The following ATP6V1H variants were observed in gnomAD, a reference collection of about 807,000 sequenced individuals.
ATP6V1H encodes the protein ATPase H+ transporting V1 subunit H, also known as V-type proton ATPase subunit H.
Under a neutral mutation model 71.7 loss-of-function variants are expected in ATP6V1H, and 39 were observed. That is an observed-to-expected ratio of 0.54 (90% CI 0.42 to 0.71). The LOEUF (loss-of-function observed/expected upper bound fraction) is 0.71. Among genes scored for constraint, ATP6V1H ranks in the 30% least tolerant of loss-of-function variants. ATP6V1H has a pLI of 0.00. For synonymous variants in ATP6V1H, 192 were observed against 199.3 expected (o/e 0.96, Z 0.31); for missense variants, 509 against 594.9 (o/e 0.86, Z 1.50).
Position 53,803,246 on chromosome 8 carries a change from A to G in ATP6V1H, c.580-1350T>C, listed in dbSNP as rs566310453. On this transcript the variant is annotated intron_variant, in intron 7 of 13. Transcript: ENST00000359530. Reference sequence around the variant, plus strand: ...CAGCTACTCAGGAGGCTGAGGCAGAAGAGTCACTTGAACCCAGGAGGCAGA... The same window carrying G: ...CAGCTACTCAGGAGGCTGAGGCAGAGGAGTCACTTGAACCCAGGAGGCAGA... Among the ~76,000 whole-genome samples, 4 of 152,238 alleles carry G rather than the reference A, an allele frequency of 2.6e-5. No individual in the cohort carries two copies. The East Asian group carries it at 7.7e-4, about 29-fold the overall frequency.
At chr8:53,724,714 T>G (rs1806749237) in intron 13 of ATP6V1H, among the ~76,000 whole-genome samples, 1 of 151,852 alleles carries the variant, frequency 6.6e-6, no homozygotes, top group African/African-American at 2.4e-5. Context: ...AGCCCACCCC[T>G]GGATGTAAGA....
chr8:53,773,120 G>A (rs767757957), intron 9 of ATP6V1H, among the ~76,000 whole-genome samples: 28 of 152,046 alleles, frequency 1.8e-4, no homozygotes, highest in Non-Finnish European at 3.5e-4. Context: ...AGAGTAGTTT[G>A]CCTTATTTTT....
chr8:53,752,208 T>C (rs1164890879), intron 12 of ATP6V1H, among the ~76,000 whole-genome samples: 1 of 152,218 alleles, frequency 6.6e-6, no homozygotes, highest in African/African-American at 2.4e-5. Flanking sequence ...TAATGAGGGC[T>C]ATGGTAAAAA....
At chr8:53,761,938 A>C (rs1808286220) in intron 11 of ATP6V1H, among the ~76,000 whole-genome samples, 1 of 152,234 alleles carries the variant, frequency 6.6e-6, no homozygotes, top group South Asian at 2.1e-4. Context: ...AATGTTAAAC[A>C]TGAGAAAACC....
intron 12 of ATP6V1H, among the ~76,000 whole-genome samples, chr8:53,747,307 T>A (rs1315032409): frequency 6.6e-6 from 1 of 152,216 alleles, no homozygotes; most frequent in Non-Finnish European, 1.5e-5. Context: ...CAATATTTTT[T>A]AATCTGTGTA....
chr8:53,748,092 A>T (rs574862397), intron 12 of ATP6V1H, among the ~76,000 whole-genome samples: 1 of 151,748 alleles, frequency 6.6e-6, no homozygotes, highest in Non-Finnish European at 1.5e-5. Context: ...GAGGAGGTGG[A>T]GGTTGCAGTG....
Position 53,753,081 on chromosome 8 carries a change from CTT to C in ATP6V1H, c.1277+3472_1277+3473del, listed in dbSNP as rs201020364. Among the ~76,000 whole-genome samples the C allele has an allele frequency of 2.3e-3, 328 of 139,834 alleles. 2 individuals are homozygous for C. Among genetic ancestry groups the C allele is most frequent in the African/African-American group, 8.2e-3 (314 of 38,206 alleles). The allele number at this position is 139,834 out of a possible 152,430, so 91.7% of individuals were successfully genotyped here. On this transcript the variant is annotated intron_variant, in intron 12 of 13. Transcript: ENST00000359530. ...CCTATAACCATGAGAGAAACCATGC[CTT>C]TTTTTTTTTTTTCTGAGAAGTTTCA...
chr8:53,802,462 T>A (rs559707683), intron 7 of ATP6V1H, among the ~76,000 whole-genome samples: 12 of 152,242 alleles, frequency 7.9e-5, no homozygotes, highest in Non-Finnish European at 1.6e-4. Context: ...TTCATGCCTG[T>A]AATCCTACCA....
chr8:53,783,621 T>G (rs967585962), intron 9 of ATP6V1H, among the ~76,000 whole-genome samples: 1 of 152,240 alleles, frequency 6.6e-6, no homozygotes, highest in East Asian at 1.9e-4. Context: ...CTAGTTCTTT[T>G]AATTGTGTTG....
At chr8:53,775,283 T>G (rs758973359) in intron 9 of ATP6V1H, among the ~76,000 whole-genome samples, 1 of 152,136 alleles carries the variant, frequency 6.6e-6, no homozygotes, top group Non-Finnish European at 1.5e-5. Flanking sequence ...AAAACCAGTG[T>G]GGACCCAAAG....
At chr8:53,722,366 G>C (rs1461020891) in intron 13 of ATP6V1H, among the ~76,000 whole-genome samples, 1 of 152,162 alleles carries the variant, frequency 6.6e-6, no homozygotes, top group Non-Finnish European at 1.5e-5. Context: ...ATAATCAAAA[G>C]CAGCCTGCAC....
At chr8:53,769,042 T>C (rs1325580350) in intron 11 of ATP6V1H, among the ~76,000 whole-genome samples, 1 of 152,122 alleles carries the variant, frequency 6.6e-6, no homozygotes, top group African/African-American at 2.4e-5. Context: ...CTGGTTCAAT[T>C]AGATATCTAT....
chr8:53,731,339 G>A (rs949938202), intron 13 of ATP6V1H, among the ~76,000 whole-genome samples: 10 of 152,192 alleles, frequency 6.6e-5, no homozygotes, highest in Non-Finnish European at 7.3e-5. Flanking sequence ...GAAAGAGGAA[G>A]TAAAAGCTAA....
chr8:53,743,527 T>C (rs1322599768), intron 13 of ATP6V1H, 50 bp downstream of exon 13: 1 of 1,321,656 alleles, frequency 7.6e-7, no homozygotes, highest in African/African-American at 1.4e-5. Context: ...GAATGGCAAG[T>C]GAGAGTTTGC....
At chr8:53,786,306 C>T (rs1286929254) in intron 9 of ATP6V1H, among the ~76,000 whole-genome samples, 3 of 152,194 alleles carry the variant, frequency 2.0e-5, no homozygotes, top group Admixed American at 1.3e-4. Flanking sequence ...TAGCAATGAT[C>T]GAGCCTCCGT....
At chr8:53,724,220 C>G (rs1319324125) in intron 13 of ATP6V1H, among the ~76,000 whole-genome samples, 1 of 152,166 alleles carries the variant, frequency 6.6e-6, no homozygotes, top group East Asian at 1.9e-4. Flanking sequence ...TCCGGAAACC[C>G]AAGCACAACC....
At chr8:53,827,039 T>C (rs1810845987) in intron 4 of ATP6V1H, among the ~76,000 whole-genome samples, 1 of 152,106 alleles carries the variant, frequency 6.6e-6, no homozygotes, top group South Asian at 2.1e-4. Flanking sequence ...AGTATACCTT[T>C]CTGCATAGTT....
chr8:53,728,798 T>G (rs1338706046), intron 13 of ATP6V1H, among the ~76,000 whole-genome samples: 1 of 152,198 alleles, frequency 6.6e-6, no homozygotes, highest in Non-Finnish European at 1.5e-5. Context: ...AGTCCTGATT[T>G]CACCACAACC....
intron 7 of ATP6V1H, among the ~76,000 whole-genome samples, chr8:53,809,355 A>C (rs1344598651): frequency 6.6e-6 from 1 of 152,204 alleles, no homozygotes; most frequent in East Asian, 1.9e-4. Flanking sequence ...GGAAGGGCTG[A>C]CACCCTACTC....
Sources: gnomAD v4.1 joint callset for allele counts (sites outside exome capture counted in the v4.1 genomes callset) on GRCh38, gnomAD v4.1.1 for gene constraint, MANE v1.5 for transcripts, NCBI Gene and HGNC (gene_info 2026-07-23, HGNC 2026-07-21) for gene names.